The following SLIT1 variants were observed in gnomAD, a reference collection of about 807,000 sequenced individuals.
SLIT1 encodes slit guidance ligand 1.
In SLIT1, 66 loss-of-function variants were observed where a neutral mutation model predicts 186.1. The ratio of observed to expected loss-of-function variants is 0.35; its 90% CI spans 0.29 to 0.44. SLIT1 has a LOEUF of 0.44. Among genes scored for constraint, SLIT1 ranks in the 20% least tolerant of loss-of-function variants. The pLI is 1.00. For synonymous variants in SLIT1, 761 were observed against 833.8 expected (o/e 0.91, Z 1.50); for missense variants, 1,638 against 2,037.4 (o/e 0.80, Z 3.77).
Position 97,006,737 on chromosome 10 carries a change from T to C in SLIT1, c.3342-17A>G, listed in dbSNP as rs1294258655. On this transcript the variant is annotated splice_polypyrimidine_tract_variant and intron_variant, in intron 31 of 36. Transcript: ENST00000266058. The surrounding 1 kb of genome is among the most constrained non-coding windows in gnomAD (Gnocchi z 4.0). ...AGCTGTCCACTGAGAGGAAAGGACA[T>C]AAGTCAGAGAGGGCCAAGGAGGAAG... 3.0e-5 allele frequency: 48 copies of C among 1,584,882 alleles called. No homozygotes were observed. The highest frequency in any genetic ancestry group is 4.2e-5 in the Non-Finnish European group (48 of 1,154,242).
At position 97,139,551 on chromosome 10, in the gene SLIT1, C is replaced by T. The variant is rs866569611; in HGVS notation, c.413+18267G>A. Among the ~76,000 whole-genome samples the T allele has an allele frequency of 2.6e-4, 39 of 152,130 alleles. 1 individual carries two copies. Among genetic ancestry groups the T allele is most frequent in the Middle Eastern group, 3.4e-3 (1 of 294 alleles). ...CTGTGACAGACAGGGTACCAAAACC[C>T]CTGTCAACAAGCACACTATCCTGAA... On this transcript the variant is annotated intron_variant, in intron 4 of 36. Coordinates refer to ENST00000266058, the MANE Select transcript of SLIT1 (RefSeq NM_003061.3).
Position 97,006,585 on chromosome 10 carries a change from G to T in SLIT1, c.3477C>A (p.Gly1159=). 1.2e-6 allele frequency: 2 copies of T among 1,614,236 alleles called. No homozygotes were observed. Among genetic ancestry groups the T allele is most frequent in the Non-Finnish European group, 1.7e-6 (2 of 1,180,046 alleles). The stretch of plus-strand genomic sequence containing the variant: ...CACTGAGCAACTTCTCACACTCAGG[G>T]CCACCGAAGCCTGGGAGGCACTGGC... ...PVCQCLPGFG[G]PECEKLLSVN... Residue 1159 remains glycine, a synonymous_variant, in exon 32 of 37, where the codon GGC becomes GGA. Transcript: ENST00000266058. This position sits in a 1 kb window ranked among gnomAD's most constrained non-coding sequence, Gnocchi z 4.0.
intron 11 of SLIT1, among the ~76,000 whole-genome samples, chr10:97,058,896 T>G (rs1848865351): frequency 6.6e-6 from 1 of 152,198 alleles, no homozygotes; most frequent in African/African-American, 2.4e-5. Context: ...GGTGCTTCAC[T>G]ACCTTTTGTA....
At chr10:97,090,916 G>A (rs1298959999) in intron 4 of SLIT1, among the ~76,000 whole-genome samples, 1 of 152,216 alleles carries the variant, frequency 6.6e-6, no homozygotes, top group African/African-American at 2.4e-5. Context: ...AGCCCCTGGG[G>A]CAGCCCCGGT....
At chr10:97,139,278 T>C (rs1314211595) in intron 4 of SLIT1, among the ~76,000 whole-genome samples, 1 of 152,132 alleles carries the variant, frequency 6.6e-6, no homozygotes, top group Non-Finnish European at 1.5e-5. Context: ...TTTGCAAACA[T>C]CAACCAGGAA....
chr10:97,027,622 T>A (rs915742995), intron 25 of SLIT1, among the ~76,000 whole-genome samples: 1 of 152,214 alleles, frequency 6.6e-6, no homozygotes, highest in Non-Finnish European at 1.5e-5. Flanking sequence ...TACTTATTGG[T>A]TTATTTCTTA....
chr10:97,090,908 C>T lies in SLIT1; in HGVS notation c.414-24822G>A, dbSNP rs544146642. ...AGTGCTGAAGGGGGTGGCAAGCAAG[C>T]CCCTGGGGCAGCCCCGGTTCTCAGT... On this transcript the variant is annotated intron_variant, in intron 4 of 36. Transcript: ENST00000266058. Among the ~76,000 whole-genome samples the T allele has an allele frequency of 1.5e-3, 227 of 152,374 alleles. 2 individuals are homozygous for T. Among genetic ancestry groups the T allele is most frequent in the Non-Finnish European group, 4.9e-4 (33 of 68,038 alleles).
At chr10:97,086,798 G>A (rs1565492) in intron 4 of SLIT1, among the ~76,000 whole-genome samples, 79,584 of 151,988 alleles carry the variant, frequency 0.52, 24,202 homozygotes, top group East Asian at 0.82. Flanking sequence ...TTAGGGCAGG[G>A]GAACCACTCT....
At chr10:97,066,121 G>T (rs372320026) in intron 4 of SLIT1, 35 bp from the exon 5 acceptor site, 1 of 1,519,624 alleles carries the variant, frequency 6.6e-7, no homozygotes, top group Admixed American at 1.8e-5. Context: ...AGAAAACACC[G>T]GTCAGAAAAG....
intron 4 of SLIT1, among the ~76,000 whole-genome samples, chr10:97,133,012 G>GT (rs1354055342): frequency 8.5e-5 from 13 of 152,152 alleles, no homozygotes; most frequent in Non-Finnish European, 1.5e-5. Context: ...ACCAGCTAAC[G>GT]TCCCCCAGTC....
chr10:97,030,867 C>T, intron 24 of SLIT1, 39 bp from the exon 25 acceptor site: 2 of 1,571,230 alleles, frequency 1.3e-6, no homozygotes, highest in Non-Finnish European at 1.8e-6. Context: ...TATCCAGGGA[C>T]AGAGATGGGA....
chr10:97,065,094 TTCTAC>T (rs1247953277), intron 5 of SLIT1, among the ~76,000 whole-genome samples: 1 of 152,074 alleles, frequency 6.6e-6, no homozygotes, highest in Non-Finnish European at 1.5e-5. Context: ...AGTTATATTC[TTCTAC>T]TCAACCTTAC....
chr10:97,066,848 C>T (rs911014618), intron 4 of SLIT1, among the ~76,000 whole-genome samples: 2 of 152,212 alleles, frequency 1.3e-5, no homozygotes, highest in Admixed American at 1.3e-4. Context: ...TTCAGCCCCC[C>T]ACAGCATCGT....
In SLIT1 at chr10:97,001,099, T is replaced by C. The variant is rs375035388; in HGVS notation, c.*13A>G. 2 of 1,609,260 alleles carry C rather than the reference T, an allele frequency of 1.2e-6. No individual in the cohort carries two copies. The highest frequency in any genetic ancestry group is 2.7e-5 in the African/African-American group (2 of 74,976). On this transcript the variant is annotated 3_prime_UTR_variant, in exon 37 of 37. Coordinates refer to ENST00000266058, the MANE Select transcript of SLIT1 (RefSeq NM_003061.3). ...CCCCTTGCCCGCCCTCACCGGCCTGTCCACGCCCAGCGCTATGCGCAGAGG... is the reference window on the plus strand; with the variant it reads ...CCCCTTGCCCGCCCTCACCGGCCTGCCCACGCCCAGCGCTATGCGCAGAGG...
intron 1 of SLIT1, among the ~76,000 whole-genome samples, chr10:97,166,344 G>A (rs560931509): frequency 1.2e-4 from 18 of 151,462 alleles, no homozygotes; most frequent in African/African-American, 3.4e-4. Flanking sequence ...TTGAAACCCC[G>A]TCTCTACTAA....
At chr10:97,118,888 A>G (rs2134685401) in intron 4 of SLIT1, among the ~76,000 whole-genome samples, 1 of 152,382 alleles carries the variant, frequency 6.6e-6, no homozygotes, top group South Asian at 2.1e-4. Context: ...TAAGTGCCCA[A>G]TAAATTATAG....
In SLIT1 at chr10:97,115,565, A is replaced by G. The variant is rs111716176; in HGVS notation, c.413+42253T>C. Among the ~76,000 whole-genome samples, 607 of 152,132 alleles carry G rather than the reference A, an allele frequency of 4.0e-3. 4 individuals are homozygous for G. Among genetic ancestry groups the G allele is most frequent in the African/African-American group, 0.014 (584 of 41,506 alleles). On this transcript the variant is annotated intron_variant, in intron 4 of 36. Coordinates refer to ENST00000266058, the MANE Select transcript of SLIT1 (RefSeq NM_003061.3). The stretch of plus-strand genomic sequence containing the variant: ...GAGAAAGGTGTTCCCAGCAGCCCTC[A>G]GCTCCCTGATGGCTCTCACTGACCA...
chr10:97,088,843 G>A (rs1849197386), intron 4 of SLIT1, among the ~76,000 whole-genome samples: 1 of 152,184 alleles, frequency 6.6e-6, no homozygotes, highest in South Asian at 2.1e-4. Context: ...CACACCTTTT[G>A]GTGACTTGGT....
intron 4 of SLIT1, among the ~76,000 whole-genome samples, chr10:97,145,550 C>T (rs1564687422): frequency 6.6e-6 from 1 of 152,160 alleles, no homozygotes; most frequent in Non-Finnish European, 1.5e-5. Context: ...AGTCCACTCT[C>T]GTATGCAGGA....
Sources: allele counts gnomAD v4.1 joint callset (sites outside exome capture counted in the v4.1 genomes callset), GRCh38; gene constraint gnomAD v4.1.1; non-coding constraint Gnocchi (gnomAD v3.1); transcripts MANE v1.5; gene names NCBI Gene and HGNC (gene_info 2026-07-23, HGNC 2026-07-21).